SBF2: variants seen among roughly 807,000 people sequenced by gnomAD.
SBF2 encodes the protein myotubularin-related protein 13.
In SBF2, 112 loss-of-function variants were observed where a neutral mutation model predicts 225.2. The ratio of observed to expected loss-of-function variants is 0.50; its 90% CI spans 0.43 to 0.58. The LOEUF (loss-of-function observed/expected upper bound fraction) is 0.58, where lower values mean the gene tolerates loss of function less well. Among genes scored for constraint, SBF2 ranks in the 20% least tolerant of loss-of-function variants. The pLI is 0.00. For synonymous variants in SBF2, 763 were observed against 773.3 expected (o/e 0.99, Z 0.22); for missense variants, 1,996 against 2,206.2 (o/e 0.90, Z 1.91).
intron 17 of SBF2, among the ~76,000 whole-genome samples, chr11:9,878,911 C>A (rs1546542): frequency 0.27 from 41,305 of 152,046 alleles, 6,724 homozygotes; most frequent in African/African-American, 0.45. Context: ...ACTTAAAACT[C>A]CCTCTGAAAG....
intron 2 of SBF2, among the ~76,000 whole-genome samples, chr11:10,134,084 T>C (rs1954232067): frequency 6.6e-6 from 1 of 152,300 alleles, no homozygotes; most frequent in South Asian, 2.1e-4. Flanking sequence ...CACAGTTCCA[T>C]GTGGCTGGGG....
intron 29 of SBF2, among the ~76,000 whole-genome samples, chr11:9,813,733 G>A: frequency 6.6e-6 from 1 of 152,146 alleles, no homozygotes; most frequent in East Asian, 1.9e-4. Context: ...CCTGAGGTCA[G>A]GAGTTCAAGA....
chr11:9,959,590 T>C, intron 16 of SBF2: 2 of 767,754 alleles, frequency 2.6e-6, no homozygotes, highest in Non-Finnish European at 4.9e-6. Context: ...CATGTCACTG[T>C]TGGAACCTTC....
chr11:10,054,067 T>C (rs1001400862), intron 2 of SBF2, among the ~76,000 whole-genome samples: 4 of 152,172 alleles, frequency 2.6e-5, no homozygotes, highest in African/African-American at 9.7e-5. Flanking sequence ...ATAAGCAGCT[T>C]TTGATAAAGT....
chr11:10,252,058 C>T (rs554983248), intron 1 of SBF2, among the ~76,000 whole-genome samples: 20 of 152,314 alleles, frequency 1.3e-4, no homozygotes, highest in African/African-American at 4.6e-4. Flanking sequence ...CTTAAGACTT[C>T]AAGGAAACAC....
rs187934096 is a variant in SBF2, at chr11:10,013,007, A to G, written c.620-10318T>C. Among the ~76,000 whole-genome samples the G allele has an allele frequency of 4.9e-3, 753 of 152,248 alleles. 6 individuals are homozygous for G. The highest frequency in any genetic ancestry group is 0.017 in the African/African-American group (718 of 41,532). On this transcript the variant is annotated intron_variant, in intron 6 of 39. Transcript: ENST00000256190. ...TAAAGCTTCTACGTACTGCTGACCA[A>G]TTTTGCATGGGTTGGAGCACGTTCA...
chr11:10,097,253 T>A (rs577283165), intron 2 of SBF2, among the ~76,000 whole-genome samples: 2 of 152,334 alleles, frequency 1.3e-5, no homozygotes, highest in East Asian at 3.9e-4. Flanking sequence ...GAACAAGCCA[T>A]CACCAGACAA....
chr11:10,013,450 A>G (rs1315572471), intron 6 of SBF2, among the ~76,000 whole-genome samples: 4 of 152,230 alleles, frequency 2.6e-5, no homozygotes, highest in African/African-American at 9.6e-5. Flanking sequence ...ACAAAGTTCT[A>G]GCATGAATAA....
At position 10,218,331 on chromosome 11, in the gene SBF2, C is replaced by A. The variant is rs911718263; in HGVS notation, c.56-24344G>T. Among the ~76,000 whole-genome samples, 11 of 95,818 alleles carry A rather than the reference C, an allele frequency of 1.1e-4. No homozygotes were observed. The South Asian group carries it at 1.2e-3, about 10-fold the overall frequency. 62.9% of individuals were successfully genotyped at this position (95,818 alleles called of 152,430 possible). A position where few individuals can be genotyped will look rare whatever the true frequency, so the allele number is the denominator to read the frequency against. ...CACAGGAAAGACCCACCCCCCCCCC[C>A]ACCCAATGATTCAATTACCTCCCAC... is the stretch of plus-strand genomic sequence containing the variant. On this transcript the variant is annotated intron_variant, in intron 1 of 39. Coordinates refer to ENST00000256190, the MANE Select transcript of SBF2 (RefSeq NM_030962.4).
chr11:9,892,944 A>G (rs1198509807), intron 17 of SBF2, among the ~76,000 whole-genome samples: 1 of 152,218 alleles, frequency 6.6e-6, no homozygotes, highest in Admixed American at 6.5e-5. Flanking sequence ...CTGCAGTATT[A>G]GACTATTAAT....
chr11:10,026,839 C>T (rs1949075502), intron 6 of SBF2, among the ~76,000 whole-genome samples: 1 of 151,820 alleles, frequency 6.6e-6, no homozygotes, highest in African/African-American at 2.4e-5. Context: ...TTATGTACGT[C>T]ATATTAGATA....
At chr11:10,074,915 G>A (rs1040300381) in intron 2 of SBF2, among the ~76,000 whole-genome samples, 3 of 152,182 alleles carry the variant, frequency 2.0e-5, no homozygotes, top group Non-Finnish European at 4.4e-5. Context: ...GTCTGGAATG[G>A]TTAAGATATA....
At chr11:10,030,869 A>G (rs923953228) in intron 4 of SBF2, among the ~76,000 whole-genome samples, 179 bp downstream of exon 4, 12 of 152,200 alleles carry the variant, frequency 7.9e-5, no homozygotes, top group African/African-American at 2.7e-4. Flanking sequence ...ACATTAACTT[A>G]TTCAGGTATT....
chr11:10,092,693 C>T (rs887004567), intron 2 of SBF2, among the ~76,000 whole-genome samples: 16 of 152,048 alleles, frequency 1.1e-4, no homozygotes, highest in Non-Finnish European at 8.8e-5. Context: ...AAAGAGGGTA[C>T]GATTTAGAGG....
chr11:10,223,238 T>G (rs1958404343), intron 1 of SBF2, among the ~76,000 whole-genome samples: 1 of 151,132 alleles, frequency 6.6e-6, no homozygotes, highest in Non-Finnish European at 1.5e-5. Flanking sequence ...ATTTTTATCT[T>G]CTAAATATAC....
chr11:9,818,481 C>T (rs1854573143), intron 28 of SBF2, among the ~76,000 whole-genome samples: 1 of 152,154 alleles, frequency 6.6e-6, no homozygotes, highest in African/African-American at 2.4e-5. Context: ...TGGTGTTTAT[C>T]TCATTGATGG....
chr11:10,236,302 T>A (rs1959070615), intron 1 of SBF2, among the ~76,000 whole-genome samples: 3 of 152,072 alleles, frequency 2.0e-5, no homozygotes, highest in African/African-American at 4.8e-5. Flanking sequence ...CAATTTTTTA[T>A]AATAAAAAAA....
chr11:9,927,571 T>A (rs1487399489), intron 16 of SBF2, among the ~76,000 whole-genome samples: 1 of 151,846 alleles, frequency 6.6e-6, no homozygotes, highest in East Asian at 1.9e-4. Flanking sequence ...AATAAAAAAT[T>A]AAATAAAAAA....
At chr11:9,857,176 A>C (rs11604637) in intron 18 of SBF2, among the ~76,000 whole-genome samples, 3 of 152,132 alleles carry the variant, frequency 2.0e-5, no homozygotes, top group Admixed American at 6.5e-5. Flanking sequence ...ACAAAACAAA[A>C]CCTAGTCTTC....
Sources: gnomAD v4.1 joint callset for allele counts (sites outside exome capture counted in the v4.1 genomes callset) on GRCh38, gnomAD v4.1.1 for gene constraint, MANE v1.5 for transcripts, NCBI Gene and HGNC (gene_info 2026-07-23, HGNC 2026-07-21) for gene names.